Variants in SEPTIN7 observed in about 807,000 individuals in gnomAD.
The protein encoded by SEPTIN7 is septin 7.
A neutral mutation model predicts 63.3 loss-of-function variants in SEPTIN7; 10 were observed. The ratio of observed to expected loss-of-function variants is 0.16; its 90% CI spans 0.10 to 0.27. The LOEUF (loss-of-function observed/expected upper bound fraction) is 0.27. SEPTIN7 is among the 10% of genes least tolerant of loss of function. SEPTIN7 has a pLI of 1.00. For missense variants in SEPTIN7, 310 were observed against 521.0 expected (o/e 0.59, Z 3.94); for synonymous variants, 131 against 165.3 (o/e 0.79, Z 1.59).
intron 1 of SEPTIN7, among the ~76,000 whole-genome samples, chr7:35,811,406 C>G (rs1008283606): frequency 2.0e-5 from 3 of 152,038 alleles, no homozygotes; most frequent in African/African-American, 7.2e-5. Context: ...AAATTAGCCA[C>G]AAGGGGAAAA....
At chr7:35,913,551 C>T in the SEPTIN7 span, among the ~76,000 whole-genome samples, 35 of 148,402 alleles carry the variant, frequency 2.4e-4, no homozygotes, top group Middle Eastern at 3.4e-3. Context: ...TTCTTTCCTT[C>T]CTTCCTTCCT....
At chr7:35,825,619 C>T (rs1456928122) in intron 1 of SEPTIN7, among the ~76,000 whole-genome samples, 3 of 152,128 alleles carry the variant, frequency 2.0e-5, no homozygotes, top group Non-Finnish European at 4.4e-5. Context: ...TCTAGCTTAT[C>T]TCACCTCCCT....
chr7:35,893,539 C>A (rs114463744), intron 11 of SEPTIN7, among the ~76,000 whole-genome samples: 2 of 152,060 alleles, frequency 1.3e-5, no homozygotes, highest in Non-Finnish European at 2.9e-5. Flanking sequence ...GTAGGTTATA[C>A]TATCTAAGGT....
At chr7:35,868,519 C>T (rs1286804343) in intron 4 of SEPTIN7, among the ~76,000 whole-genome samples, 1 of 151,788 alleles carries the variant, frequency 6.6e-6, no homozygotes, top group African/African-American at 2.4e-5. Flanking sequence ...GTAGAGGTGA[C>T]CTTGGCAAGG....
Position 35,883,907 on chromosome 7 carries a change from C to A in SEPTIN7, c.740C>A (p.Ala247Asp). Reference protein sequence around the residue: ...VKKIKDRLPLAVVGSNTIIEV... With the variant: ...VKKIKDRLPLDVVGSNTIIEV... ...GTTTTATAGGACCGTTTACCTCTTG[C>A]TGTGGTAGGTAGTAATACTATCATT... Residue 247 changes from alanine (A) to aspartate (D), a missense_variant, in exon 9 of 14, where the codon GCT (alanine) becomes GAT (aspartate). Transcript: ENST00000350320. The A allele has an allele frequency of 6.2e-7, 1 of 1,601,038 alleles. No individual in the cohort carries two copies. Among genetic ancestry groups the A allele is most frequent in the Non-Finnish European group, 8.5e-7 (1 of 1,170,564 alleles).
intron 1 of SEPTIN7, among the ~76,000 whole-genome samples, chr7:35,829,173 T>C (rs1783688947): frequency 7.1e-6 from 1 of 140,194 alleles, no homozygotes; most frequent in African/African-American, 2.7e-5. Context: ...TCTCGCTCTG[T>C]CATCCAGGCA....
At chr7:35,802,047 G>GC (rs1384595919) in intron 1 of SEPTIN7, among the ~76,000 whole-genome samples, 2 of 152,128 alleles carry the variant, frequency 1.3e-5, no homozygotes, top group African/African-American at 4.8e-5. Flanking sequence ...TGGGAAGGGC[G>GC]CCCCCCGGAG....
At chr7:35,817,889 G>GT (rs577855459) in intron 1 of SEPTIN7, among the ~76,000 whole-genome samples, 95 of 144,110 alleles carry the variant, frequency 6.6e-4, no homozygotes, top group East Asian at 1.0e-3. Flanking sequence ...TTCCTGTAGT[G>GT]TTTTTTTTTT....
chr7:35,853,160 TG>T (rs1324938984), intron 3 of SEPTIN7, among the ~76,000 whole-genome samples: 1 of 152,214 alleles, frequency 6.6e-6, no homozygotes, highest in African/African-American at 2.4e-5. Context: ...GCAGTGGCCC[TG>T]GTGCTCAAGC....
intron 1 of SEPTIN7, among the ~76,000 whole-genome samples, chr7:35,810,154 C>T (rs1479883205): frequency 6.6e-6 from 1 of 152,006 alleles, no homozygotes; most frequent in African/African-American, 2.4e-5. Context: ...AGAAAATAAA[C>T]ATTTTCTGAT....
chr7:35,887,497 C>T (rs1356707309), intron 10 of SEPTIN7, among the ~76,000 whole-genome samples: 9 of 152,154 alleles, frequency 5.9e-5, no homozygotes, highest in Non-Finnish European at 1.0e-4. Flanking sequence ...TAGGCATGCA[C>T]CACTACACCT....
chr7:35,902,979 G>T, intron 12 of SEPTIN7, 97 bp from the exon 13 acceptor site: 1 of 1,406,076 alleles, frequency 7.1e-7, no homozygotes, highest in Non-Finnish European at 9.3e-7. Context: ...TATTCAAATA[G>T]TGCTCATACT....
At chr7:35,833,941 C>T (rs1330729909) in intron 3 of SEPTIN7, among the ~76,000 whole-genome samples, 1 of 151,976 alleles carries the variant, frequency 6.6e-6, no homozygotes. Flanking sequence ...TCAGAGTTCA[C>T]AGTTAAAACA....
At chr7:35,889,407 G>A (rs1370253224) in intron 10 of SEPTIN7, among the ~76,000 whole-genome samples, 1 of 152,140 alleles carries the variant, frequency 6.6e-6, no homozygotes, top group Non-Finnish European at 1.5e-5. Flanking sequence ...AGAATTGCAT[G>A]GAAATGTCAG....
intron 1 of SEPTIN7, among the ~76,000 whole-genome samples, chr7:35,812,450 A>C (rs1159129600): frequency 6.6e-6 from 1 of 152,156 alleles, no homozygotes; most frequent in East Asian, 1.9e-4. Flanking sequence ...CAGACATGCA[A>C]ATATAGCACG....
intron 5 of SEPTIN7, among the ~76,000 whole-genome samples, 155 bp downstream of exon 5, chr7:35,872,921 T>C (rs1048407815): frequency 1.3e-5 from 2 of 152,144 alleles, no homozygotes; most frequent in East Asian, 1.9e-4. Context: ...TTGCCACTTA[T>C]CTGACAAAGT....
In SEPTIN7 at chr7:35,849,032, T is replaced by G. The variant is rs184200949; in HGVS notation, c.170-14520T>G. 9.6e-4 allele frequency among the ~76,000 whole-genome samples: 146 copies of G among 152,350 alleles called. 1 individual carries two copies. The highest frequency in any genetic ancestry group is 3.3e-3 in the African/African-American group (137 of 41,580). ...GAATTGTTAGTTCTTAGTACTGGTGTAATTACAGTAATTAGAATAAGTAAA... is the reference window on the plus strand; with the variant it reads ...GAATTGTTAGTTCTTAGTACTGGTGGAATTACAGTAATTAGAATAAGTAAA... On this transcript the variant is annotated intron_variant, in intron 3 of 13. Coordinates refer to ENST00000350320, the MANE Select transcript of SEPTIN7 (RefSeq NM_001788.6).
chr7:35,866,097 T>A (rs1355808613), intron 4 of SEPTIN7, among the ~76,000 whole-genome samples: 1 of 152,180 alleles, frequency 6.6e-6, no homozygotes, highest in Non-Finnish European at 1.5e-5. Context: ...CCTGTAACAT[T>A]TGAGAACCAG....
At chr7:35,824,476 G>C (rs1484532485) in intron 1 of SEPTIN7, among the ~76,000 whole-genome samples, 1 of 152,084 alleles carries the variant, frequency 6.6e-6, no homozygotes, top group Non-Finnish European at 1.5e-5. Flanking sequence ...GATTACTTAA[G>C]ATATTCATTA....
Sources: allele counts gnomAD v4.1 joint callset (sites outside exome capture counted in the v4.1 genomes callset), GRCh38; gene constraint gnomAD v4.1.1; transcripts MANE v1.5; gene names NCBI Gene and HGNC (gene_info 2026-07-23, HGNC 2026-07-21).